Variants in SEMA6D observed in about 807,000 individuals in gnomAD.
SEMA6D encodes the protein semaphorin 6D.
SEMA6D carries 35 observed loss-of-function variants against 106.6 expected under a neutral mutation model. The observed-to-expected ratio is 0.33, with a 90% CI of 0.25 to 0.44. The LOEUF (loss-of-function observed/expected upper bound fraction) is 0.44, where lower values mean the gene tolerates loss of function less well. SEMA6D is among the 20% of genes least tolerant of loss of function. The pLI, the probability that SEMA6D is intolerant of heterozygous loss-of-function variation, is 1.00. For synonymous variants in SEMA6D, 499 were observed against 487.7 expected, an observed-to-expected ratio of 1.02 and a Z score of -0.31; for missense variants, 1,185 against 1,345.9, an observed-to-expected ratio of 0.88 and a Z score of 1.87.
At chr15:47,358,722 C>A (rs2038687395) in intron 1 of SEMA6D, among the ~76,000 whole-genome samples, 1 of 152,206 alleles carries the variant, frequency 6.6e-6, no homozygotes, top group East Asian at 1.9e-4. Context: ...GCATGGAGAT[C>A]TGGACATCAT....
chr15:47,544,072 T>C (rs1289952544), intron 3 of SEMA6D, among the ~76,000 whole-genome samples: 1 of 152,136 alleles, frequency 6.6e-6, no homozygotes, highest in Non-Finnish European at 1.5e-5. Context: ...GAAAATAAAC[T>C]AAAAAAGTAG....
intron 2 of SEMA6D, among the ~76,000 whole-genome samples, chr15:47,426,128 A>G (rs1567071261): frequency 6.6e-6 from 1 of 152,118 alleles, no homozygotes; most frequent in Non-Finnish European, 1.5e-5. Flanking sequence ...ACAAAAATAT[A>G]CACATGGATT....
intron 1 of SEMA6D, among the ~76,000 whole-genome samples, chr15:47,365,444 T>A (rs1490963805): frequency 6.6e-6 from 1 of 152,124 alleles, no homozygotes; most frequent in African/African-American, 2.4e-5. Flanking sequence ...GCTGTGAATA[T>A]CTCTTTCCCA....
intron 1 of SEMA6D, among the ~76,000 whole-genome samples, chr15:47,245,926 T>TA (rs1023462314): frequency 7.2e-5 from 11 of 152,120 alleles, no homozygotes; most frequent in African/African-American, 2.4e-4. Flanking sequence ...ATCACAGAAT[T>TA]AAAAAAATCA....
chr15:47,266,967 T>G (rs1417071567), intron 1 of SEMA6D, among the ~76,000 whole-genome samples: 2 of 152,196 alleles, frequency 1.3e-5, no homozygotes, highest in African/African-American at 4.8e-5. Context: ...AATTTTCATC[T>G]GTTTCACTGG....
At chr15:47,284,533 A>T (rs1225753509) in intron 1 of SEMA6D, among the ~76,000 whole-genome samples, 1 of 152,190 alleles carries the variant, frequency 6.6e-6, no homozygotes. Context: ...ATTCCACTAT[A>T]AATTTTCTGA....
At chr15:47,485,707 A>G (rs2141355109) in intron 3 of SEMA6D, among the ~76,000 whole-genome samples, 1 of 152,234 alleles carries the variant, frequency 6.6e-6, no homozygotes, top group Non-Finnish European at 1.5e-5. Context: ...CTCTCACAAG[A>G]GTGGCAGATA....
rs147767577 is a variant in SEMA6D, at chr15:47,729,993, A to G, written c.-55+12301A>G. On this transcript the variant is annotated intron_variant, in intron 1 of 18. Coordinates refer to ENST00000536845, the MANE Select transcript of SEMA6D (RefSeq NM_001358351.3). The stretch of plus-strand genomic sequence containing the variant: ...GGTGGTGATGGGCGGGAGAGAGTCT[A>G]TATGACCTCCAGAGTTCTTTCTAGT... 5.3e-5 allele frequency among the ~76,000 whole-genome samples: 8 copies of G among 152,282 alleles called. No individual in the cohort carries two copies. In the East Asian group the frequency reaches 9.7e-4, roughly 18 times the overall value.
rs114609167 is a variant in SEMA6D at position 47,591,921 on chromosome 15, G to C, written c.-86-8944G>C. 5.2e-3 allele frequency among the ~76,000 whole-genome samples: 786 copies of C among 152,290 alleles called. 3 individuals carry two copies. Among genetic ancestry groups the C allele is most frequent in the African/African-American group, 0.017 (725 of 41,548 alleles). On this transcript the variant is annotated intron_variant, in intron 3 of 19. Transcript: ENST00000558014. ...AATGACATTTGGAAAGAGCCACAGT[G>C]AAGAATGGGAAAGTGAGCTAACTAC...
intron 3 of SEMA6D, among the ~76,000 whole-genome samples, chr15:47,546,893 G>T (rs2045539814): frequency 6.6e-6 from 1 of 152,040 alleles, no homozygotes; most frequent in East Asian, 1.9e-4. Context: ...TGCAACCTTG[G>T]CCCTGTCACA....
At chr15:47,614,376 C>A (rs1247872274) in intron 4 of SEMA6D, among the ~76,000 whole-genome samples, 1 of 152,190 alleles carries the variant, frequency 6.6e-6, no homozygotes, top group Admixed American at 6.5e-5. Context: ...TCAAATGGGT[C>A]AACATTGCTG....
At position 47,770,847 on chromosome 15, in the gene SEMA6D, C is replaced by A. The variant is rs1427012049; in HGVS notation, c.2284C>A (p.Arg762=). 3 of 1,614,006 alleles carry A rather than the reference C, an allele frequency of 1.9e-6. 1 individual carries two copies. The South Asian group carries it at 3.3e-5, about 18-fold the overall frequency. The stretch of plus-strand genomic sequence containing the variant: ...TACTAAATCCATGGTAATGGACCAT[C>A]GAGGGCAACCTCCAGAGTTGGCTGC... ...GDTKSMVMDH[R]GQPPELAALP... is the part of the protein sequence containing the mutation. The change falls in exon 19 of 19, where the codon CGA becomes AGA. Residue 762 remains arginine, a synonymous_variant. Coordinates refer to ENST00000536845, the MANE Select transcript of SEMA6D (RefSeq NM_001358351.3).
chr15:47,554,809 G>T (rs1275550690), intron 3 of SEMA6D, among the ~76,000 whole-genome samples: 1 of 152,080 alleles, frequency 6.6e-6, no homozygotes, highest in African/African-American at 2.4e-5. Flanking sequence ...TCTCTAATAA[G>T]CCCACTGTGA....
chr15:47,593,970 A>G (rs1024531690), intron 3 of SEMA6D, among the ~76,000 whole-genome samples: 3 of 152,206 alleles, frequency 2.0e-5, no homozygotes, highest in Non-Finnish European at 2.9e-5. Flanking sequence ...CCCATCTCCA[A>G]CATTGGGGAT....
At chr15:47,224,059 A>T (rs1468900571) in intron 1 of SEMA6D, among the ~76,000 whole-genome samples, 6 of 152,182 alleles carry the variant, frequency 3.9e-5, no homozygotes, top group Non-Finnish European at 7.4e-5. Context: ...CGAATGCTAG[A>T]TGACGAGTTA....
intron 4 of SEMA6D, among the ~76,000 whole-genome samples, chr15:47,705,929 G>A (rs2078905145): frequency 1.3e-5 from 2 of 152,208 alleles, no homozygotes; most frequent in Non-Finnish European, 2.9e-5. Flanking sequence ...TCTCCAGAAT[G>A]AAGACTGCTT....
intron 3 of SEMA6D, among the ~76,000 whole-genome samples, chr15:47,506,664 G>A (rs754332192): frequency 2.7e-5 from 4 of 150,550 alleles, no homozygotes; most frequent in Non-Finnish European, 5.9e-5. Flanking sequence ...ATCCCCCAGT[G>A]CCTCATTTTA....
intron 3 of SEMA6D, among the ~76,000 whole-genome samples, chr15:47,559,810 G>C (rs1024417000): frequency 2.0e-5 from 3 of 152,160 alleles, no homozygotes; most frequent in African/African-American, 7.2e-5. Context: ...GCAAAAGATA[G>C]GACAAATGAG....
At chr15:47,577,945 A>G (rs1424941833) in intron 3 of SEMA6D, among the ~76,000 whole-genome samples, 1 of 152,260 alleles carries the variant, frequency 6.6e-6, no homozygotes, top group East Asian at 1.9e-4. Flanking sequence ...ATTAAAATAT[A>G]GTATTCTCAT....
Sources: allele counts gnomAD v4.1 joint callset (sites outside exome capture counted in the v4.1 genomes callset), GRCh38; gene constraint gnomAD v4.1.1; transcripts MANE v1.5; gene names NCBI Gene and HGNC (gene_info 2026-07-23, HGNC 2026-07-21).